The following RGS5 variants were observed in gnomAD, a reference collection of about 807,000 sequenced individuals.
RGS5 encodes the protein regulator of G protein signaling 5.
In RGS5, 20 loss-of-function variants were observed where a neutral mutation model predicts 18.9. That is an observed-to-expected ratio of 1.06 (90% CI 0.74 to 1.54). RGS5 has a LOEUF of 1.54. Among genes scored for constraint, RGS5 ranks in the 40% most tolerant of loss-of-function variants. RGS5 has a pLI of 0.00. For synonymous variants in RGS5, 57 were observed against 76.2 expected, an observed-to-expected ratio of 0.75 and a Z score of 1.31; for missense variants, 201 against 211.8, an observed-to-expected ratio of 0.95 and a Z score of 0.32.
chr1:163,198,768 C>A (rs1571280045), intron 1 of RGS5, among the ~76,000 whole-genome samples: 1 of 152,216 alleles, frequency 6.6e-6, no homozygotes, highest in East Asian at 1.9e-4. Context: ...ATAGCTGGCA[C>A]TACAGGTGCT....
chr1:163,300,052 A>G (rs921810180), intron 2 of RGS5, among the ~76,000 whole-genome samples: 22 of 152,200 alleles, frequency 1.4e-4, no homozygotes, highest in Non-Finnish European at 2.9e-4. Context: ...ATTTACATTT[A>G]TCATTAACTT....
Position 163,145,686 on chromosome 1 carries a change from G to A in RGS5, c.*1656C>T, listed in dbSNP as rs1268092199. 1 of 152,188 alleles carries A rather than the reference G, an allele frequency of 6.6e-6. No homozygotes were observed. Among genetic ancestry groups the A allele is most frequent in the Non-Finnish European group, 1.5e-5 (1 of 68,044 alleles). 9.4% of individuals were successfully genotyped at this position (152,188 alleles called of 1,614,324 possible). Reference sequence around the variant, plus strand: ...AATGTGAAATGGCATGTATTCAGCAGGGCATATTATTCTTGAAGTCACAAA... The same window carrying A: ...AATGTGAAATGGCATGTATTCAGCAAGGCATATTATTCTTGAAGTCACAAA... On this transcript the variant is annotated 3_prime_UTR_variant, in exon 5 of 5. Coordinates refer to ENST00000313961, the MANE Select transcript of RGS5 (RefSeq NM_003617.4).
At chr1:163,320,254 A>G (rs1650152831) in intron 1 of RGS5, among the ~76,000 whole-genome samples, 1 of 152,216 alleles carries the variant, frequency 6.6e-6, no homozygotes, top group Non-Finnish European at 1.5e-5. Context: ...CCTAGGGACC[A>G]TGTATAAATA....
chr1:163,319,661 T>C (rs1231972388), intron 1 of RGS5, among the ~76,000 whole-genome samples: 1 of 152,144 alleles, frequency 6.6e-6, no homozygotes, highest in African/African-American at 2.4e-5. Context: ...GTCAGAGGCA[T>C]CAGACACAGG....
chr1:163,256,465 A>G (rs1648274693), intron 2 of RGS5, among the ~76,000 whole-genome samples: 1 of 152,200 alleles, frequency 6.6e-6, no homozygotes, highest in Non-Finnish European at 1.5e-5. Flanking sequence ...AATGAGAAAG[A>G]AGGAGGAAGA....
intron 1 of RGS5, among the ~76,000 whole-genome samples, chr1:163,313,799 A>G (rs1649937773): frequency 6.6e-6 from 1 of 152,180 alleles, no homozygotes; most frequent in Non-Finnish European, 1.5e-5. Context: ...GTAGAACATA[A>G]AAAGGGTCTG....
At chr1:163,234,308 GATAAT>G (rs1308834294) in intron 2 of RGS5, among the ~76,000 whole-genome samples, 1 of 152,074 alleles carries the variant, frequency 6.6e-6, no homozygotes, top group Non-Finnish European at 1.5e-5. Flanking sequence ...CTATTGAGAT[GATAAT>G]ATTTTTTCCC....
intron 1 of RGS5, among the ~76,000 whole-genome samples, chr1:163,193,949 G>A (rs1659459691): frequency 6.6e-6 from 1 of 152,128 alleles, no homozygotes; most frequent in Non-Finnish European, 1.5e-5. Context: ...AGTCAGTGGT[G>A]CCACACCCCC....
upstream of RGS5, among the ~76,000 whole-genome samples, chr1:163,218,192 GTTGATAAAA>G (rs1460503861): frequency 6.6e-6 from 1 of 152,126 alleles, no homozygotes; most frequent in Non-Finnish European, 1.5e-5. Context: ...TTGAGAGACG[GTTGATAAAA>G]TTGAAAGCAT....
At chr1:163,194,092 C>T (rs902210501) in intron 1 of RGS5, among the ~76,000 whole-genome samples, 3 of 152,102 alleles carry the variant, frequency 2.0e-5, no homozygotes, top group Admixed American at 6.6e-5. Context: ...TCTAATTCAT[C>T]CTCAAATTGT....
chr1:163,316,131 T>G (rs4657260), intron 1 of RGS5, among the ~76,000 whole-genome samples: 3,383 of 152,274 alleles, frequency 0.022, 43 homozygotes, highest in African/African-American at 0.03. Flanking sequence ...CATTACGCAT[T>G]TTTACTTACC....
intron 1 of RGS5, among the ~76,000 whole-genome samples, chr1:163,306,844 G>T (rs1380600354): frequency 1.3e-5 from 2 of 152,124 alleles, no homozygotes; most frequent in Admixed American, 1.3e-4. Context: ...CAGAAGCCAG[G>T]GAGAGGCATG....
chr1:163,313,903 A>G (rs1343746813), intron 1 of RGS5, among the ~76,000 whole-genome samples: 2 of 152,138 alleles, frequency 1.3e-5, no homozygotes, highest in Non-Finnish European at 2.9e-5. Context: ...AGCTTCTAAC[A>G]TTAATTACTT....
rs1163132842 is a variant in RGS5 at position 163,311,971 on chromosome 1, G to A, written c.-377-5642C>T. Among the ~76,000 whole-genome samples the A allele has an allele frequency of 4.6e-5, 7 of 152,152 alleles. 1 individual carries two copies. Among genetic ancestry groups the A allele is most frequent in the Non-Finnish European group, 1.5e-5 (1 of 68,020 alleles). On this transcript the variant is annotated intron_variant, in intron 1 of 5. Coordinates refer to the RGS5 transcript ENST00000618415. ...TGCAATAAAACAAGATATGTGAAGT[G>A]CAATAAAACAAGATATGCTTATATA...
intron 1 of RGS5, among the ~76,000 whole-genome samples, chr1:163,318,091 G>C (rs762334402): frequency 6.6e-6 from 1 of 152,164 alleles, no homozygotes; most frequent in Non-Finnish European, 1.5e-5. Context: ...TAAAAAATTA[G>C]TAAGGATAAG....
chr1:163,165,979 C>T (rs539227097), intron 2 of RGS5, among the ~76,000 whole-genome samples: 1 of 151,604 alleles, frequency 6.6e-6, no homozygotes, highest in Non-Finnish European at 1.5e-5. Context: ...ACAGATGGGG[C>T]CTTAGAAACA....
At chr1:163,202,937 G>A (rs1407077017), upstream of RGS5, 11 of 1,091,906 alleles carry the variant, frequency 1.0e-5, no homozygotes, top group East Asian at 1.5e-4. Flanking sequence ...TCCTCCTGAG[G>A]TATATATAGA....
upstream of RGS5, among the ~76,000 whole-genome samples, chr1:163,205,422 C>T (rs1356545698): frequency 2.8e-5 from 4 of 144,710 alleles, no homozygotes; most frequent in East Asian, 8.3e-4. Context: ...ATAAATTGAA[C>T]TATTTTAAAA....
chr1:163,262,404 G>A (rs1449965945), intron 2 of RGS5, among the ~76,000 whole-genome samples: 3 of 79,114 alleles, frequency 3.8e-5, no homozygotes, highest in Non-Finnish European at 7.8e-5. Flanking sequence ...GAGAATATGC[G>A]GTGTTTGGTT....
Sources: gnomAD v4.1 joint callset for allele counts (sites outside exome capture counted in the v4.1 genomes callset) on GRCh38, gnomAD v4.1.1 for gene constraint, MANE v1.5 for transcripts, NCBI Gene and HGNC (gene_info 2026-07-23, HGNC 2026-07-21) for gene names.